PDE10A: variants seen among roughly 807,000 people sequenced by gnomAD.
PDE10A encodes cAMP and cAMP-inhibited cGMP 3',5'-cyclic phosphodiesterase 10A.
Under a neutral mutation model 97.7 loss-of-function variants are expected in PDE10A, and 39 were observed. The observed-to-expected ratio is 0.40, with a 90% CI of 0.31 to 0.52. PDE10A has a LOEUF of 0.52. Ranked by LOEUF, PDE10A falls within the 20% of genes least tolerant of loss-of-function variation. PDE10A has a pLI of 0.56. For missense variants in PDE10A, 731 were observed against 1,047.8 expected (o/e 0.70, Z 4.17); for synonymous variants, 371 against 376.8 (o/e 0.98, Z 0.18).
At chr6:165,910,190 G>C (rs980104750) in intron 1 of PDE10A, among the ~76,000 whole-genome samples, 1 of 152,168 alleles carries the variant, frequency 6.6e-6, no homozygotes, top group African/African-American at 2.4e-5. Flanking sequence ...TCTGGGTGCA[G>C]AGACATAGAG....
intron 1 of PDE10A, among the ~76,000 whole-genome samples, chr6:165,837,887 G>C (rs886984311): frequency 6.6e-6 from 1 of 151,932 alleles, no homozygotes; most frequent in South Asian, 2.1e-4. Context: ...GGGTTTCACC[G>C]TGTTAGCCAG....
intron 1 of PDE10A, among the ~76,000 whole-genome samples, chr6:165,551,599 A>T (rs1784018867): frequency 6.6e-6 from 1 of 152,198 alleles, no homozygotes; most frequent in South Asian, 2.1e-4. Flanking sequence ...CCACAGAAGC[A>T]ATAATTAGGG....
chr6:165,966,194 A>G (rs1784504665), intron 1 of PDE10A, among the ~76,000 whole-genome samples: 1 of 152,148 alleles, frequency 6.6e-6, no homozygotes, highest in Non-Finnish European at 1.5e-5. Context: ...GTCTGCAGAA[A>G]GAGTGGAAAA....
chr6:165,481,974 C>T (rs1158717248), intron 3 of PDE10A, among the ~76,000 whole-genome samples: 2 of 152,212 alleles, frequency 1.3e-5, no homozygotes, highest in African/African-American at 4.8e-5. Context: ...GGGAAGACTG[C>T]TGCCCTGTGA....
chr6:165,383,229 C>T (rs2128209362), intron 17 of PDE10A, among the ~76,000 whole-genome samples: 1 of 152,020 alleles, frequency 6.6e-6, no homozygotes, highest in South Asian at 2.1e-4. Flanking sequence ...AAAATTTTGA[C>T]TATTTTTAAA....
At chr6:165,346,056 T>C (rs889024778) in intron 18 of PDE10A, among the ~76,000 whole-genome samples, 2 of 152,160 alleles carry the variant, frequency 1.3e-5, no homozygotes, top group Non-Finnish European at 2.9e-5. Context: ...GTAGTTAAGT[T>C]TGGAGAAACA....
At chr6:165,900,110 A>T (rs1782063031) in intron 1 of PDE10A, among the ~76,000 whole-genome samples, 2 of 152,072 alleles carry the variant, frequency 1.3e-5, no homozygotes, top group Non-Finnish European at 2.9e-5. Flanking sequence ...GCTGAAAGAG[A>T]GGGGCAGGGA....
At chr6:165,945,929 A>C (rs1783750886) in intron 1 of PDE10A, among the ~76,000 whole-genome samples, 1 of 152,232 alleles carries the variant, frequency 6.6e-6, no homozygotes, top group Non-Finnish European at 1.5e-5. Context: ...TAAAAATGCC[A>C]TGCAGCCATA....
At chr6:165,643,878 G>C (rs1370407615) in intron 1 of PDE10A, among the ~76,000 whole-genome samples, 1 of 152,190 alleles carries the variant, frequency 6.6e-6, no homozygotes. Context: ...TGGGTTAAGT[G>C]ATAGATATGT....
Position 165,708,586 on chromosome 6 carries a change from G to C in PDE10A, c.-614-165018C>G, listed in dbSNP as rs368248363. On this transcript the variant is annotated intron_variant, in intron 1 of 19. Transcript: ENST00000366882. ...GCATCGTCCGTGCTCCTCCCCATCAGAACAAATAGGCCCAGGGCAAAAACA... is the reference window on the plus strand; with the variant it reads ...GCATCGTCCGTGCTCCTCCCCATCACAACAAATAGGCCCAGGGCAAAAACA... Among the ~76,000 whole-genome samples, 4 of 151,716 alleles carry C rather than the reference G, an allele frequency of 2.6e-5. No homozygotes were observed. In the South Asian group the frequency reaches 6.2e-4, roughly 24 times the overall value.
intron 1 of PDE10A, among the ~76,000 whole-genome samples, chr6:165,869,526 G>C (rs1562775141): frequency 6.6e-6 from 1 of 152,084 alleles, no homozygotes. Context: ...ACTACTCAAA[G>C]CAATTTACAG....
Position 165,331,789 on chromosome 6 carries a change from G to A in PDE10A, c.*1236C>T, listed in dbSNP as rs2128171997. Reference sequence around the variant, plus strand: ...TATAGTAATACTGGTCAACCAAAAAGGTGTATAGAAGAAACCATCGAAACC... The same window carrying A: ...TATAGTAATACTGGTCAACCAAAAAAGTGTATAGAAGAAACCATCGAAACC... On this transcript the variant is annotated 3_prime_UTR_variant, in exon 22 of 22. Coordinates refer to ENST00000539869, the MANE Select transcript of PDE10A (RefSeq NM_001385079.1). 6.6e-6 allele frequency: 1 copy of A among 152,292 alleles called. No individual in the cohort carries two copies. Among genetic ancestry groups the A allele is most frequent in the East Asian group, 1.9e-4 (1 of 5,188 alleles). The allele number at this position is 152,292 out of a possible 1,614,324, so 9.4% of individuals were successfully genotyped here.
chr6:165,728,773 C>T (rs1232887775), intron 1 of PDE10A, among the ~76,000 whole-genome samples: 1 of 152,172 alleles, frequency 6.6e-6, no homozygotes, highest in Non-Finnish European at 1.5e-5. Flanking sequence ...CAGGCACCTG[C>T]AAATACAATT....
In PDE10A at chr6:165,722,792, G is replaced by A. The variant is rs149781304; in HGVS notation, c.-614-179224C>T. ...CTGCTACTGAGCCTGCGAAAACATC[G>A]GAGTGAACATTTTACCTTTTCAGGT... is the stretch of plus-strand genomic sequence containing the variant. On this transcript the variant is annotated intron_variant, in intron 1 of 19. Coordinates refer to the PDE10A transcript ENST00000366882. Among the ~76,000 whole-genome samples the A allele has an allele frequency of 9.2e-3, 1,395 of 151,824 alleles. 20 individuals are homozygous for A. The highest frequency in any genetic ancestry group is 0.032 in the African/African-American group (1,304 of 41,362).
rs570667652 is a variant in PDE10A at position 165,730,110 on chromosome 6, T to C, written c.-614-186542A>G. On this transcript the variant is annotated intron_variant, in intron 1 of 19. Coordinates refer to the PDE10A transcript ENST00000366882. The stretch of plus-strand genomic sequence containing the variant: ...TCTTGAAAAAGATATACAAGTGACA[T>C]ATTTCTTGGAGATATATATGTATAT... Among the ~76,000 whole-genome samples the C allele has an allele frequency of 4.0e-5, 6 of 151,834 alleles. No homozygotes were observed. The South Asian group carries it at 6.3e-4, about 16-fold the overall frequency.
At chr6:165,856,120 G>A (rs1780726199) in intron 1 of PDE10A, among the ~76,000 whole-genome samples, 1 of 152,218 alleles carries the variant, frequency 6.6e-6, no homozygotes, top group Non-Finnish European at 1.5e-5. Context: ...CTGATGCAGG[G>A]GCTCCCTGAG....
chr6:165,679,468 G>C (rs563198579), intron 1 of PDE10A, among the ~76,000 whole-genome samples: 2 of 152,138 alleles, frequency 1.3e-5, no homozygotes, highest in African/African-American at 4.8e-5. Context: ...GATTCTCACC[G>C]GCCGCTACCT....
intron 1 of PDE10A, among the ~76,000 whole-genome samples, chr6:165,890,421 G>A (rs908778057): frequency 1.3e-5 from 2 of 152,172 alleles, no homozygotes; most frequent in African/African-American, 2.4e-5. Flanking sequence ...TGTCTTCCGC[G>A]ACAGTGGCTT....
chr6:165,695,261 G>C (rs992704459), intron 1 of PDE10A, among the ~76,000 whole-genome samples: 1 of 151,444 alleles, frequency 6.6e-6, no homozygotes. Context: ...AAAACATATA[G>C]CCTCTGGAAA....
Sources: allele counts gnomAD v4.1 joint callset (sites outside exome capture counted in the v4.1 genomes callset), GRCh38; gene constraint gnomAD v4.1.1; transcripts MANE v1.5; gene names NCBI Gene and HGNC (gene_info 2026-07-23, HGNC 2026-07-21).